KLHDC10: variants seen among roughly 807,000 people sequenced by gnomAD.
KLHDC10 encodes the protein kelch domain-containing protein 10.
Under a neutral mutation model 56.1 loss-of-function variants are expected in KLHDC10, and 24 were observed. The ratio of observed to expected loss-of-function variants is 0.43; its 90% CI spans 0.31 to 0.60. The LOEUF (loss-of-function observed/expected upper bound fraction) is 0.60, where lower values mean the gene tolerates loss of function less well. Among genes scored for constraint, KLHDC10 ranks in the 20% least tolerant of loss-of-function variants. KLHDC10 has a pLI of 0.11. For synonymous variants in KLHDC10, 188 were observed against 207.1 expected (o/e 0.91, Z 0.79); for missense variants, 349 against 567.0 (o/e 0.62, Z 3.91).
At chr7:130,109,750 T>G (rs896872699) in intron 2 of KLHDC10, among the ~76,000 whole-genome samples, 5 of 152,152 alleles carry the variant, frequency 3.3e-5, no homozygotes, top group Admixed American at 1.3e-4. Context: ...GCGATTCTCA[T>G]GCCTCAGCCT....
intron 1 of KLHDC10, among the ~76,000 whole-genome samples, chr7:130,076,503 T>G (rs1795505718): frequency 6.6e-6 from 1 of 152,236 alleles, no homozygotes; most frequent in Admixed American, 6.5e-5. Flanking sequence ...GTCTAGGTTT[T>G]GTGTCATAAG....
At chr7:130,073,095 G>A (rs1185530345) in intron 1 of KLHDC10, among the ~76,000 whole-genome samples, 2 of 151,674 alleles carry the variant, frequency 1.3e-5, no homozygotes, top group African/African-American at 4.8e-5. Flanking sequence ...GCGGCTGGTC[G>A]TGGTGGCTCA....
chr7:130,077,084 G>A (rs1422999105), intron 1 of KLHDC10, among the ~76,000 whole-genome samples: 1 of 151,898 alleles, frequency 6.6e-6, no homozygotes, highest in African/African-American at 2.4e-5. Flanking sequence ...GCCAGGCATG[G>A]GGGCTCACGC....
rs375534602 is a variant in KLHDC10 at position 130,130,778 on chromosome 7, T to C, written c.*32T>C. On this transcript the variant is annotated 3_prime_UTR_variant, in exon 10 of 10. Transcript: ENST00000335420. This position sits in a 1 kb window ranked among gnomAD's most constrained non-coding sequence, Gnocchi z 4.2. ...CTGGACTGTTCATTGATACTGGAAA[T>C]GTTAATTTAAAGAGACTCCTTTATT... 2.5e-6 allele frequency: 4 copies of C among 1,593,156 alleles called. No homozygotes were observed. Among genetic ancestry groups the C allele is most frequent in the Non-Finnish European group, 3.4e-6 (4 of 1,161,114 alleles).
rs1017278563 is a variant in KLHDC10 at position 130,120,535 on chromosome 7, A to C, written c.476-214A>C. On this transcript the variant is annotated intron_variant, in intron 3 of 9. Coordinates refer to ENST00000335420, the MANE Select transcript of KLHDC10 (RefSeq NM_014997.4). The surrounding 1 kb of genome is among the most constrained non-coding windows in gnomAD (Gnocchi z 5.1). ...CCAGTGAGCATTTCCTTTAAGCATC[A>C]TTGTTGGTGCGCAAAAAGTCTAATT... Among the ~76,000 whole-genome samples the C allele has an allele frequency of 1.3e-5, 2 of 152,150 alleles. No homozygotes were observed. The highest frequency in any genetic ancestry group is 4.8e-5 in the African/African-American group (2 of 41,454).
intron 1 of KLHDC10, among the ~76,000 whole-genome samples, chr7:130,085,515 G>A (rs868779482): frequency 3.3e-5 from 5 of 151,272 alleles, no homozygotes; most frequent in African/African-American, 7.3e-5. Flanking sequence ...TTACCTTGTC[G>A]AGAGCAAGGT....
intron 2 of KLHDC10, among the ~76,000 whole-genome samples, chr7:130,105,611 G>A (rs1245678751): frequency 6.6e-6 from 1 of 152,078 alleles, no homozygotes; most frequent in African/African-American, 2.4e-5. Context: ...GTATAATAAA[G>A]CTATAAAAAG....
chr7:130,111,111 C>G (rs1796094589), intron 2 of KLHDC10, among the ~76,000 whole-genome samples: 1 of 152,014 alleles, frequency 6.6e-6, no homozygotes, highest in South Asian at 2.1e-4. Context: ...GGGTGGCTTT[C>G]TTTAAGTGGT....
chr7:130,131,053 A>G lies in KLHDC10; in HGVS notation c.*307A>G, dbSNP rs141300725. On this transcript the variant is annotated 3_prime_UTR_variant, in exon 10 of 10. Transcript: ENST00000335420. ...TACCTTAATAATGTTATTAATCAAGACAGATTCCTTTTTAAAGGAATTCTG... is the reference window on the plus strand; with the variant it reads ...TACCTTAATAATGTTATTAATCAAGGCAGATTCCTTTTTAAAGGAATTCTG... 34 of 235,990 alleles carry G rather than the reference A, an allele frequency of 1.4e-4. No individual in the cohort carries two copies. Among genetic ancestry groups the G allele is most frequent in the African/African-American group, 7.5e-4 (34 of 45,594 alleles). The allele number at this position is 235,990 out of a possible 1,614,324, so 14.6% of individuals were successfully genotyped here. A position where few individuals can be genotyped will look rare whatever the true frequency, so the allele number is the denominator to read the frequency against.
At chr7:130,078,546 T>G (rs1241186215) in intron 1 of KLHDC10, among the ~76,000 whole-genome samples, 1 of 151,676 alleles carries the variant, frequency 6.6e-6, no homozygotes, top group Admixed American at 6.6e-5. Flanking sequence ...TGAGACAGAG[T>G]CTCGCTCTGT....
chr7:130,128,889 A>AAATATATATATAT, intron 8 of KLHDC10, among the ~76,000 whole-genome samples: 26 of 66,942 alleles, frequency 3.9e-4, no homozygotes, highest in African/African-American at 1.6e-3. Flanking sequence ...AAAAAAAAAA[A>AAATATATATATAT]ATATATATAT....
intron 3 of KLHDC10, chr7:130,117,810 A>G (rs1330199476): frequency 7.0e-6 from 1 of 142,130 alleles, no homozygotes; most frequent in African/African-American, 2.7e-5. Flanking sequence ...TGATCATGCC[A>G]CTGCATTCCA....
At chr7:130,102,436 A>G (rs1795944265) in intron 2 of KLHDC10, among the ~76,000 whole-genome samples, 1 of 152,234 alleles carries the variant, frequency 6.6e-6, no homozygotes, top group African/African-American at 2.4e-5. Context: ...AGAAACAGAG[A>G]TAATGAACAA....
At chr7:130,112,282 G>A (rs1009325051) in intron 2 of KLHDC10, among the ~76,000 whole-genome samples, 65 of 152,182 alleles carry the variant, frequency 4.3e-4, no homozygotes, top group African/African-American at 1.4e-3. Context: ...GTTACCGTAA[G>A]TTCCTGCTTG....
rs569312598 is a variant in KLHDC10 at position 130,090,039 on chromosome 7, G to A, written c.167-6882G>A. Among the ~76,000 whole-genome samples the A allele has an allele frequency of 1.5e-3, 230 of 151,976 alleles. 1 individual carries two copies. Among genetic ancestry groups the A allele is most frequent in the African/African-American group, 4.9e-3 (204 of 41,458 alleles). On this transcript the variant is annotated intron_variant, in intron 1 of 9. Coordinates refer to ENST00000335420, the MANE Select transcript of KLHDC10 (RefSeq NM_014997.4). ...TGGGATTACAGGCATGCACCACCAC[G>A]CCTGGCTAATTTTGTATTTTTTTTA...
At chr7:130,081,499 A>G (rs1174195506) in intron 1 of KLHDC10, among the ~76,000 whole-genome samples, 1 of 151,160 alleles carries the variant, frequency 6.6e-6, no homozygotes, top group Admixed American at 6.6e-5. Context: ...TTTGTATTTT[A>G]GTAGAGACAG....
chr7:130,076,663 A>G (rs1189553155), intron 1 of KLHDC10, among the ~76,000 whole-genome samples: 1 of 152,202 alleles, frequency 6.6e-6, no homozygotes, highest in Non-Finnish European at 1.5e-5. Context: ...GAATCCAACT[A>G]TACTTTTCTT....
chr7:130,115,072 T>G (rs1001949571), intron 2 of KLHDC10, among the ~76,000 whole-genome samples: 9 of 152,194 alleles, frequency 5.9e-5, no homozygotes, highest in Admixed American at 5.9e-4. Flanking sequence ...CAGCTCTGGT[T>G]TAAAAATATA....
chr7:130,077,088 C>T (rs1189608263), intron 1 of KLHDC10, among the ~76,000 whole-genome samples: 1 of 152,028 alleles, frequency 6.6e-6, no homozygotes. Context: ...GGCATGGGGG[C>T]TCACGCCTTT....
Sources: gnomAD v4.1 joint callset for allele counts (sites outside exome capture counted in the v4.1 genomes callset) on GRCh38, gnomAD v4.1.1 for gene constraint, Gnocchi (gnomAD v3.1) non-coding constraint, MANE v1.5 for transcripts, NCBI Gene and HGNC (gene_info 2026-07-23, HGNC 2026-07-21) for gene names.